KCNIP1: variants seen among roughly 807,000 people sequenced by gnomAD.
The protein encoded by KCNIP1 is A-type potassium channel modulatory protein KCNIP1.
A neutral mutation model predicts 33.0 loss-of-function variants in KCNIP1; 18 were observed. That is an observed-to-expected ratio of 0.55 (90% CI 0.38 to 0.81). The LOEUF is 0.81. Among genes scored for constraint, KCNIP1 ranks in the 30% least tolerant of loss-of-function variants. KCNIP1 has a pLI of 0.00. For synonymous variants in KCNIP1, 93 were observed against 98.3 expected, an observed-to-expected ratio of 0.95 and a Z score of 0.32; for missense variants, 238 against 271.6, an observed-to-expected ratio of 0.88 and a Z score of 0.87.
intron 1 of KCNIP1, among the ~76,000 whole-genome samples, chr5:170,379,869 C>A (rs1581128094): frequency 6.6e-6 from 1 of 151,490 alleles, no homozygotes; most frequent in Admixed American, 6.6e-5. Context: ...GGAGGATCAC[C>A]TGAGCCCAGG....
chr5:170,429,012 A>G (rs928105454), intron 1 of KCNIP1, among the ~76,000 whole-genome samples: 2 of 151,842 alleles, frequency 1.3e-5, no homozygotes, highest in African/African-American at 4.8e-5. Context: ...AATCACTTGA[A>G]CCCGGGAGGC....
intron 1 of KCNIP1, among the ~76,000 whole-genome samples, chr5:170,432,180 G>T (rs1755758972): frequency 5.9e-5 from 9 of 151,980 alleles, no homozygotes; most frequent in Admixed American, 5.9e-4. Flanking sequence ...AAAAACAGGG[G>T]CTTCTGATAA....
intron 1 of KCNIP1, among the ~76,000 whole-genome samples, chr5:170,362,552 A>AT (rs1763542480): frequency 6.6e-6 from 1 of 152,146 alleles, no homozygotes. Context: ...ACAACAAAAC[A>AT]TATGGGGAGC....
chr5:170,701,266 T>C (rs1405369294), intron 1 of KCNIP1, among the ~76,000 whole-genome samples: 2 of 152,156 alleles, frequency 1.3e-5, no homozygotes, highest in African/African-American at 4.8e-5. Flanking sequence ...AACTCTTTCT[T>C]GTATGTGAGA....
intron 1 of KCNIP1, among the ~76,000 whole-genome samples, chr5:170,517,539 G>A (rs973226768): frequency 1.3e-5 from 2 of 151,736 alleles, no homozygotes; most frequent in African/African-American, 4.8e-5. Context: ...GATTATTATA[G>A]TATAGGTGAT....
intron 1 of KCNIP1, among the ~76,000 whole-genome samples, chr5:170,487,368 A>G (rs961432025): frequency 2.6e-5 from 4 of 152,198 alleles, no homozygotes; most frequent in Non-Finnish European, 5.9e-5. Flanking sequence ...GTGTTTGACC[A>G]AACAACTGGG....
chr5:170,426,400 G>C (rs561944414), intron 1 of KCNIP1, among the ~76,000 whole-genome samples: 34 of 152,302 alleles, frequency 2.2e-4, no homozygotes, highest in African/African-American at 8.2e-4. Context: ...CAATTTGGAA[G>C]CCTGACCTTG....
chr5:170,662,855 A>G (rs558772106), intron 1 of KCNIP1, among the ~76,000 whole-genome samples: 4 of 152,284 alleles, frequency 2.6e-5, no homozygotes, highest in South Asian at 2.1e-4. Flanking sequence ...ATTCTTCAAG[A>G]TCTATTGGTT....
intron 1 of KCNIP1, chr5:170,383,886 C>G (rs773113100): frequency 6.2e-7 from 1 of 1,605,464 alleles, no homozygotes; most frequent in Non-Finnish European, 8.5e-7. Context: ...ATACACATCT[C>G]AGAACTGGGT....
chr5:170,677,309 T>G (rs1418498007), intron 1 of KCNIP1, among the ~76,000 whole-genome samples: 3 of 152,182 alleles, frequency 2.0e-5, no homozygotes, highest in Non-Finnish European at 1.5e-5. Flanking sequence ...TGTAGGCTTC[T>G]GACCCAGAGA....
rs3051750 is a variant in KCNIP1, at chr5:170,413,928, TAAAA to T, written c.88+59980_88+59983del. On this transcript the variant is annotated intron_variant, in intron 1 of 7. Transcript: ENST00000377360. The stretch of plus-strand genomic sequence containing the variant: ...TCTGCTACCATTCCTGAGTGGAAGT[TAAAA>T]AAAAAAAAAAAAAAAGGCAGAGCAA... Among the ~76,000 whole-genome samples the T allele has an allele frequency of 3.6e-3, 502 of 138,258 alleles. 3 individuals are homozygous for T. Among genetic ancestry groups the T allele is most frequent in the African/African-American group, 0.011 (404 of 37,454 alleles). The allele number at this position is 138,258 out of a possible 152,430, so 90.7% of individuals were successfully genotyped here.
chr5:170,471,802 C>T (rs1024512164), intron 1 of KCNIP1, among the ~76,000 whole-genome samples: 3 of 152,162 alleles, frequency 2.0e-5, no homozygotes, highest in South Asian at 4.1e-4. Context: ...TCATTTATCA[C>T]CTTTTGATGA....
chr5:170,640,859 A>G (rs1304001534), intron 1 of KCNIP1, among the ~76,000 whole-genome samples: 2 of 152,174 alleles, frequency 1.3e-5, no homozygotes, highest in African/African-American at 4.8e-5. Flanking sequence ...TGGGATAAAC[A>G]GAATCGACTC....
At chr5:170,466,204 G>A (rs778551113) in intron 1 of KCNIP1, among the ~76,000 whole-genome samples, 1 of 152,176 alleles carries the variant, frequency 6.6e-6, no homozygotes, top group African/African-American at 2.4e-5. Flanking sequence ...AATGTCAAGA[G>A]TGACTCCCAA....
intron 1 of KCNIP1, among the ~76,000 whole-genome samples, chr5:170,394,219 C>T (rs1021407569): frequency 3.3e-5 from 5 of 152,230 alleles, no homozygotes; most frequent in African/African-American, 1.2e-4. Context: ...CTTAGCCACT[C>T]TCCGCGCCTC....
Position 170,718,740 on chromosome 5 carries a change from C to G in KCNIP1, c.62-18C>G, listed in dbSNP as rs767599302. On this transcript the variant is annotated intron_variant, in intron 1 of 7. Coordinates refer to ENST00000328939, the MANE Select transcript of KCNIP1 (RefSeq NM_014592.4). The stretch of plus-strand genomic sequence containing the variant: ...CTCCCAAGCTCAACCATTCCAATGC[C>G]ATCTCCTCTGGTTCCAGATAAGATT... 6.2e-7 allele frequency: 1 copy of G among 1,613,312 alleles called. No individual in the cohort carries two copies. Among genetic ancestry groups the G allele is most frequent in the East Asian group, 2.2e-5 (1 of 44,802 alleles).
intron 1 of KCNIP1, among the ~76,000 whole-genome samples, chr5:170,603,266 T>A (rs62394329): frequency 6.6e-6 from 1 of 152,106 alleles, no homozygotes; most frequent in Non-Finnish European, 1.5e-5. Context: ...CTGGAGGTTC[T>A]GCTGAGCTGA....
intron 1 of KCNIP1, among the ~76,000 whole-genome samples, chr5:170,364,913 C>T (rs1048582594): frequency 3.9e-5 from 6 of 152,182 alleles, no homozygotes; most frequent in African/African-American, 1.4e-4. Flanking sequence ...GAGAACTACT[C>T]TCTTAGCAAA....
intron 1 of KCNIP1, among the ~76,000 whole-genome samples, chr5:170,576,975 A>G (rs1757624666): frequency 6.6e-6 from 1 of 152,200 alleles, no homozygotes; most frequent in Non-Finnish European, 1.5e-5. Context: ...GGGACCCAGC[A>G]GGGGTCTCTT....
Sources: gnomAD v4.1 joint callset for allele counts (sites outside exome capture counted in the v4.1 genomes callset) on GRCh38, gnomAD v4.1.1 for gene constraint, MANE v1.5 for transcripts, NCBI Gene and HGNC (gene_info 2026-07-23, HGNC 2026-07-21) for gene names.